MYO1D: variants seen among roughly 807,000 people sequenced by gnomAD.
The protein encoded by MYO1D is myosin ID, also known as unconventional myosin-Id.
Under a neutral mutation model 122.0 loss-of-function variants are expected in MYO1D, and 83 were observed. That is an observed-to-expected ratio of 0.68 (90% confidence interval 0.57 to 0.82). The LOEUF (loss-of-function observed/expected upper bound fraction) is 0.82, where lower values mean the gene tolerates loss of function less well. Among genes scored for constraint, MYO1D ranks in the 40% least tolerant of loss-of-function variants. The pLI, the probability that MYO1D is intolerant of heterozygous loss-of-function variation, is 0.00. For synonymous variants in MYO1D, 464 were observed against 446.9 expected (o/e 1.04, Z -0.48); for missense variants, 1,157 against 1,269.5 (o/e 0.91, Z 1.35).
intron 4 of MYO1D, among the ~76,000 whole-genome samples, chr17:32,773,832 T>A (rs1300637880): frequency 6.6e-6 from 1 of 152,204 alleles, no homozygotes; most frequent in African/African-American, 2.4e-5. Flanking sequence ...GCAAATGATC[T>A]GAGATGCCTG....
At chr17:32,670,987 C>A (rs1039664876) in intron 16 of MYO1D, among the ~76,000 whole-genome samples, 2 of 152,238 alleles carry the variant, frequency 1.3e-5, no homozygotes, top group Non-Finnish European at 2.9e-5. Context: ...TGGAGAGCAG[C>A]CACCCCATAG....
intron 1 of MYO1D, among the ~76,000 whole-genome samples, chr17:32,818,787 C>G (rs937637449): frequency 2.0e-5 from 3 of 152,318 alleles, no homozygotes; most frequent in South Asian, 2.1e-4. Flanking sequence ...CTAAATTAGA[C>G]TAAGTATGCA....
At chr17:32,819,279 G>C (rs1225947941) in intron 1 of MYO1D, among the ~76,000 whole-genome samples, 1 of 152,028 alleles carries the variant, frequency 6.6e-6, no homozygotes, top group African/African-American at 2.4e-5. Flanking sequence ...TATAAGCAGG[G>C]AAGTTGGCTG....
intron 14 of MYO1D, among the ~76,000 whole-genome samples, chr17:32,723,505 C>T (rs1238940709): frequency 3.9e-5 from 6 of 152,166 alleles, no homozygotes; most frequent in Non-Finnish European, 7.4e-5. Context: ...CAATATCTTG[C>T]ACCACCTCCC....
intron 16 of MYO1D, among the ~76,000 whole-genome samples, chr17:32,693,393 A>AG (rs1488713602): frequency 1.3e-5 from 2 of 152,130 alleles, no homozygotes; most frequent in Non-Finnish European, 2.9e-5. Context: ...GTAAAAAAAA[A>AG]AAAAAAAGTG....
intron 21 of MYO1D, chr17:32,497,063 G>A (rs4795701): frequency 0.57 from 86,377 of 152,380 alleles, 25,668 homozygotes; most frequent in Middle Eastern, 0.68. Context: ...TCTGGGCTCC[G>A]TGTATCTCCA....
intron 19 of MYO1D, among the ~76,000 whole-genome samples, chr17:32,652,858 T>C (rs568860291): frequency 9.9e-5 from 15 of 152,186 alleles, no homozygotes; most frequent in African/African-American, 3.6e-4. Flanking sequence ...AATGTAGGTA[T>C]AGGCTGGGCG....
At chr17:32,749,620 G>C (rs555803678) in intron 11 of MYO1D, among the ~76,000 whole-genome samples, 1 of 152,072 alleles carries the variant, frequency 6.6e-6, no homozygotes, top group Non-Finnish European at 1.5e-5. Context: ...CCACCTAGTC[G>C]GGAGGCTGAG....
intron 1 of MYO1D, among the ~76,000 whole-genome samples, chr17:32,842,658 A>C (rs1437707568): frequency 6.6e-6 from 1 of 151,968 alleles, no homozygotes; most frequent in African/African-American, 2.4e-5. Context: ...TCGAACTTTC[A>C]CTCAAGGTGT....
intron 21 of MYO1D, among the ~76,000 whole-genome samples, chr17:32,525,781 G>A (rs1369869929): frequency 1.3e-5 from 2 of 152,296 alleles, no homozygotes; most frequent in East Asian, 3.9e-4. Flanking sequence ...GAACTGGGCA[G>A]CTTGCTGGGC....
chr17:32,612,173 T>C (rs572004015), intron 20 of MYO1D, among the ~76,000 whole-genome samples: 162 of 152,300 alleles, frequency 1.1e-3, no homozygotes, highest in Non-Finnish European at 1.9e-3. Context: ...CGAGGGGTTA[T>C]AGATTTAAGC....
intron 21 of MYO1D, among the ~76,000 whole-genome samples, chr17:32,512,255 G>A (rs992188306): frequency 1.3e-5 from 2 of 151,598 alleles, no homozygotes; most frequent in Admixed American, 6.6e-5. Context: ...AGCAGAGATG[G>A]CGCCACTGCC....
intron 19 of MYO1D, among the ~76,000 whole-genome samples, chr17:32,644,658 C>A (rs1379391712): frequency 2.0e-5 from 3 of 152,144 alleles, no homozygotes; most frequent in Non-Finnish European, 4.4e-5. Flanking sequence ...GATCCCTTTA[C>A]CATTATGTAG....
chr17:32,504,892 C>T (rs1213179978), intron 21 of MYO1D: 1 of 152,370 alleles, frequency 6.6e-6, no homozygotes. Flanking sequence ...TCTGCACGGT[C>T]ACTGAGGCCA....
At chr17:32,825,770 GCTCATGC>G (rs1472881610) in intron 1 of MYO1D, among the ~76,000 whole-genome samples, 2 of 152,124 alleles carry the variant, frequency 1.3e-5, no homozygotes, top group Non-Finnish European at 2.9e-5. Context: ...AGGTGTGGTA[GCTCATGC>G]CTCTAATCCC....
At chr17:32,831,529 T>C (rs2090771459) in intron 1 of MYO1D, among the ~76,000 whole-genome samples, 1 of 152,256 alleles carries the variant, frequency 6.6e-6, no homozygotes. Context: ...TAAAGAGGAA[T>C]GTGAGCATAG....
intron 16 of MYO1D, among the ~76,000 whole-genome samples, chr17:32,669,858 A>G (rs542643752): frequency 6.6e-6 from 1 of 152,150 alleles, no homozygotes; most frequent in African/African-American, 2.4e-5. Flanking sequence ...AGCTAATAAG[A>G]GGCATACACA....
At chr17:32,523,905 G>A (rs1910247869) in intron 21 of MYO1D, among the ~76,000 whole-genome samples, 1 of 151,698 alleles carries the variant, frequency 6.6e-6, no homozygotes, top group South Asian at 2.1e-4. Flanking sequence ...ACCTCTCCAA[G>A]CCTCAGTTTC....
At chr17:32,559,386 C>G (rs2087097887) in intron 21 of MYO1D, among the ~76,000 whole-genome samples, 1 of 152,182 alleles carries the variant, frequency 6.6e-6, no homozygotes, top group African/African-American at 2.4e-5. Context: ...TGTGAGCAGA[C>G]CATAATCTAC....
Sources: allele counts gnomAD v4.1 joint callset (sites outside exome capture counted in the v4.1 genomes callset), GRCh38; gene constraint gnomAD v4.1.1; transcripts MANE v1.5; gene names NCBI Gene and HGNC (gene_info 2026-07-23, HGNC 2026-07-21).